AGBL1: variants seen among roughly 807,000 people sequenced by gnomAD.
The protein encoded by AGBL1 is AGBL carboxypeptidase 1, also known as cytosolic carboxypeptidase 4.
Under a neutral mutation model 118.9 loss-of-function variants are expected in AGBL1, and 130 were observed. The observed-to-expected ratio is 1.09, with a 90% CI of 0.95 to 1.26. The LOEUF is 1.26. AGBL1 is among the 50% of genes most tolerant of loss of function. The pLI, the probability that AGBL1 is intolerant of heterozygous loss-of-function variation, is 0.00. For synonymous variants in AGBL1, 555 were observed against 478.9 expected (o/e 1.16, Z -2.08); for missense variants, 1,584 against 1,298.1 (o/e 1.22, Z -3.38).
chr15:86,455,100 C>G (rs1431228), intron 18 of AGBL1, among the ~76,000 whole-genome samples: 69,754 of 151,862 alleles, frequency 0.46, 16,844 homozygotes, highest in Middle Eastern at 0.57. Context: ...ACCTGATTTT[C>G]CTGGCCTCTC....
intron 22 of AGBL1, among the ~76,000 whole-genome samples, chr15:86,740,045 C>T (rs2077655665): frequency 6.6e-6 from 1 of 152,156 alleles, no homozygotes; most frequent in Admixed American, 6.5e-5. Context: ...ATAAAAATAA[C>T]CTCACTTTAA....
intron 22 of AGBL1, among the ~76,000 whole-genome samples, chr15:86,820,606 A>T (rs2078927613): frequency 1.3e-5 from 2 of 152,206 alleles, no homozygotes; most frequent in African/African-American, 4.8e-5. Flanking sequence ...GACATTAGAG[A>T]AATGTAAATC....
chr15:86,545,522 A>T (rs28690739), intron 19 of AGBL1, among the ~76,000 whole-genome samples: 2 of 152,032 alleles, frequency 1.3e-5, no homozygotes, highest in Non-Finnish European at 2.9e-5. Flanking sequence ...AGTACCCATT[A>T]GTTATTTTTC....
chr15:86,769,272 A>G (rs982891175), intron 22 of AGBL1, among the ~76,000 whole-genome samples: 4 of 151,804 alleles, frequency 2.6e-5, no homozygotes, highest in African/African-American at 9.7e-5. Context: ...GAATATAAGC[A>G]AACATTTCCT....
chr15:86,522,876 G>A lies in AGBL1; in HGVS notation c.2622G>A (p.Gln874=). The A allele has an allele frequency of 6.2e-7, 1 of 1,613,968 alleles. No individual in the cohort carries two copies. Among genetic ancestry groups the A allele is most frequent in the Non-Finnish European group, 8.5e-7 (1 of 1,179,856 alleles). Residue 874 remains glutamine, a synonymous_variant, in exon 19 of 23, where the codon CAG becomes CAA. Coordinates refer to ENST00000614907, the MANE Select transcript of AGBL1 (RefSeq NM_001386094.1). ...GGCTTTCTCCCAGTGCTCATCTGCA[G>A]CCAACCATTTACCATGCCAAAGGCC... ...RQWLSPSAHL[Q]PTIYHAKGLL... is the part of the protein sequence containing the mutation.
chr15:86,695,708 A>C (rs1353867569), intron 22 of AGBL1, among the ~76,000 whole-genome samples: 1 of 151,724 alleles, frequency 6.6e-6, no homozygotes, highest in East Asian at 1.9e-4. Flanking sequence ...GTGCTTTCTT[A>C]GACTTTTTGA....
intron 22 of AGBL1, among the ~76,000 whole-genome samples, chr15:86,694,782 C>T (rs531018860): frequency 1.3e-5 from 2 of 151,732 alleles, no homozygotes; most frequent in Non-Finnish European, 2.9e-5. Flanking sequence ...ATGCCAATTT[C>T]GCTGAAGGTT....
chr15:86,245,036 C>T (rs777738563), intron 6 of AGBL1, among the ~76,000 whole-genome samples: 1 of 152,056 alleles, frequency 6.6e-6, no homozygotes, highest in Non-Finnish European at 1.5e-5. Flanking sequence ...GTGAATAAAG[C>T]TCGTCACTCT....
intron 22 of AGBL1, among the ~76,000 whole-genome samples, chr15:86,791,210 T>A (rs1224910851): frequency 6.6e-6 from 1 of 152,210 alleles, no homozygotes; most frequent in Admixed American, 6.5e-5. Flanking sequence ...AGTAAGCTAC[T>A]TAGGTCTGAA....
At chr15:86,750,428 C>T (rs1373118879) in intron 22 of AGBL1, among the ~76,000 whole-genome samples, 4 of 151,740 alleles carry the variant, frequency 2.6e-5, no homozygotes, top group Admixed American at 1.3e-4. Flanking sequence ...ACAATAACAC[C>T]GAACTCCCTT....
At chr15:86,865,638 G>A (rs941612182) in intron 22 of AGBL1, among the ~76,000 whole-genome samples, 7 of 152,118 alleles carry the variant, frequency 4.6e-5, no homozygotes, top group African/African-American at 7.2e-5. Context: ...AGAGCTAATC[G>A]TTCCATTTTC....
At chr15:86,354,694 G>T (rs2080684778) in intron 17 of AGBL1, among the ~76,000 whole-genome samples, 1 of 152,172 alleles carries the variant, frequency 6.6e-6, no homozygotes, top group Non-Finnish European at 1.5e-5. Flanking sequence ...GTCTCTCAAA[G>T]ATGTCCTTGC....
chr15:86,433,551 C>T (rs573482075), intron 18 of AGBL1, among the ~76,000 whole-genome samples: 12 of 152,036 alleles, frequency 7.9e-5, no homozygotes, highest in East Asian at 1.9e-4. Context: ...CAACTTTGAC[C>T]GCCATTCACA....
At chr15:86,761,771 T>C (rs1567161738) in intron 22 of AGBL1, among the ~76,000 whole-genome samples, 1 of 152,088 alleles carries the variant, frequency 6.6e-6, no homozygotes, top group Non-Finnish European at 1.5e-5. Context: ...TTCTCTCCCA[T>C]TCTCTGTAGG....
chr15:86,608,310 C>A (rs148967226), intron 21 of AGBL1, among the ~76,000 whole-genome samples: 1 of 152,302 alleles, frequency 6.6e-6, no homozygotes, highest in Non-Finnish European at 1.5e-5. Flanking sequence ...TAGACACAGG[C>A]TCGAGCTAGA....
At chr15:86,801,311 A>ATC (rs755778358) in intron 22 of AGBL1, among the ~76,000 whole-genome samples, 5 of 8,268 alleles carry the variant, frequency 6.0e-4, no homozygotes, top group Non-Finnish European at 1.4e-3. Flanking sequence ...TGATGATTAC[A>ATC]TCTATCTATC....
intron 22 of AGBL1, among the ~76,000 whole-genome samples, chr15:86,901,325 A>C (rs1314357544): frequency 6.6e-6 from 1 of 152,070 alleles, no homozygotes; most frequent in South Asian, 2.1e-4. Context: ...TGATATTTTC[A>C]TAATGTATTT....
At chr15:86,414,209 A>G (rs2081659109) in intron 18 of AGBL1, among the ~76,000 whole-genome samples, 1 of 152,186 alleles carries the variant, frequency 6.6e-6, no homozygotes, top group Admixed American at 6.6e-5. Context: ...GTGATGAGAA[A>G]TTACTTAATG....
chr15:86,144,113 G>T (rs964530437), intron 3 of AGBL1, among the ~76,000 whole-genome samples: 3 of 152,150 alleles, frequency 2.0e-5, no homozygotes, highest in African/African-American at 7.2e-5. Context: ...GAAAGGAGGG[G>T]AGATACTCCA....
Sources: gnomAD v4.1 joint callset for allele counts (sites outside exome capture counted in the v4.1 genomes callset) on GRCh38, gnomAD v4.1.1 for gene constraint, MANE v1.5 for transcripts, NCBI Gene and HGNC (gene_info 2026-07-23, HGNC 2026-07-21) for gene names.